The following CENPP variants were observed in gnomAD, a reference collection of about 807,000 sequenced individuals.
CENPP encodes centromere protein P.
CENPP carries 24 observed loss-of-function variants against 35.6 expected under a neutral mutation model. That is an observed-to-expected ratio of 0.67 (90% confidence interval 0.49 to 0.95). The LOEUF (loss-of-function observed/expected upper bound fraction) is 0.95, where lower values mean the gene tolerates loss of function less well. Among genes scored for constraint, CENPP ranks in the 40% least tolerant of loss-of-function variants. The probability of loss-of-function intolerance (pLI) is 0.00; values close to 1 mark genes in which losing one functional copy is unlikely to be tolerated. For synonymous variants in CENPP, 120 were observed against 125.5 expected (o/e 0.96, Z 0.29); for missense variants, 332 against 345.3 (o/e 0.96, Z 0.31).
intron 5 of CENPP, among the ~76,000 whole-genome samples, chr9:92,605,467 A>C (rs1399598929): frequency 1.3e-5 from 2 of 152,198 alleles, no homozygotes; most frequent in South Asian, 2.1e-4. Context: ...CACAGATGTT[A>C]TCTCTCTATA....
chr9:92,528,641 A>G (rs764092634), intron 5 of CENPP, among the ~76,000 whole-genome samples: 1 of 152,256 alleles, frequency 6.6e-6, no homozygotes, highest in Non-Finnish European at 1.5e-5. Context: ...AAACCTTACA[A>G]TTCACAGGGC....
chr9:92,409,593 T>A (rs13290671), intron 5 of CENPP, among the ~76,000 whole-genome samples: 1 of 152,244 alleles, frequency 6.6e-6, no homozygotes, highest in South Asian at 2.1e-4. Flanking sequence ...AACAAATTTA[T>A]GAAGTATCCT....
chr9:92,370,938 G>A (rs1363777467), intron 4 of CENPP, among the ~76,000 whole-genome samples: 2 of 151,878 alleles, frequency 1.3e-5, no homozygotes, highest in African/African-American at 4.8e-5. Context: ...TTTTATTTCT[G>A]TGGTCTCATT....
chr9:92,452,480 G>A (rs1844741587), intron 5 of CENPP, among the ~76,000 whole-genome samples: 2 of 152,186 alleles, frequency 1.3e-5, no homozygotes, highest in African/African-American at 2.4e-5. Context: ...GCTTTTTGAT[G>A]TGCTGCTGGA....
rs150920972 is a variant in CENPP, at chr9:92,455,426, G to T, written c.564+75567G>T. Among the ~76,000 whole-genome samples the T allele has an allele frequency of 2.5e-3, 376 of 152,024 alleles. 1 individual carries two copies. The highest frequency in any genetic ancestry group is 3.7e-3 in the Non-Finnish European group (252 of 67,972). On this transcript the variant is annotated intron_variant, in intron 5 of 7. Coordinates refer to ENST00000375587, the MANE Select transcript of CENPP (RefSeq NM_001012267.3). ...AAAAACAAACAAAAACCTGTGGAGG[G>T]CAGGGGACGCAGGTGTTACTGCCAT...
At chr9:92,331,341 T>C (rs1259269034) in intron 1 of CENPP, among the ~76,000 whole-genome samples, 1 of 152,062 alleles carries the variant, frequency 6.6e-6, no homozygotes, top group Non-Finnish European at 1.5e-5. Context: ...CCACCACGCC[T>C]GGCAAATTTT....
At chr9:92,506,555 C>A (rs994654521) in intron 5 of CENPP, among the ~76,000 whole-genome samples, 7 of 152,140 alleles carry the variant, frequency 4.6e-5, no homozygotes, top group Admixed American at 3.9e-4. Flanking sequence ...CTATTCAACC[C>A]CCTTCATGGG....
rs746814450 is a variant in CENPP, at chr9:92,484,918, C to T, written c.564+105059C>T. 4.6e-5 allele frequency among the ~76,000 whole-genome samples: 7 copies of T among 152,314 alleles called. No individual in the cohort carries two copies. The South Asian group carries it at 8.3e-4, about 18-fold the overall frequency. Reference sequence around the variant, plus strand: ...CTAGTCTTCCTCTGATATTTTGCTTCGATCTTTGGTCAGAGGGCCTAGGGA... The same window carrying T: ...CTAGTCTTCCTCTGATATTTTGCTTTGATCTTTGGTCAGAGGGCCTAGGGA... On this transcript the variant is annotated intron_variant, in intron 5 of 7. Coordinates refer to ENST00000375587, the MANE Select transcript of CENPP (RefSeq NM_001012267.3).
intron 5 of CENPP, among the ~76,000 whole-genome samples, chr9:92,591,104 A>T (rs1030713970): frequency 3.3e-5 from 5 of 152,188 alleles, no homozygotes; most frequent in Non-Finnish European, 1.5e-5. Context: ...CCAAAAAGTA[A>T]TAAAAAATTG....
chr9:92,403,265 T>G, intron 5 of CENPP: 1 of 1,599,688 alleles, frequency 6.3e-7, no homozygotes, highest in South Asian at 1.1e-5. Flanking sequence ...GTATTTATCC[T>G]CATAATCTTG....
intron 5 of CENPP, among the ~76,000 whole-genome samples, chr9:92,494,775 C>T (rs568544905): frequency 1.3e-5 from 2 of 152,018 alleles, no homozygotes; most frequent in African/African-American, 2.4e-5. Flanking sequence ...GGAGTGGTGA[C>T]GCATGCCTAT....
intron 5 of CENPP, chr9:92,470,871 A>G (rs1845486404): frequency 2.5e-6 from 2 of 800,788 alleles, no homozygotes; most frequent in Non-Finnish European, 4.0e-6. Context: ...TTTAAAACCC[A>G]TGATTATCAT....
intron 5 of CENPP, chr9:92,404,519 T>C: frequency 1.5e-6 from 2 of 1,297,106 alleles, no homozygotes; most frequent in Non-Finnish European, 2.0e-6. Context: ...TTGAAGTTTT[T>C]TGTGGTTTTC....
At chr9:92,524,399 C>T (rs947846862) in intron 5 of CENPP, among the ~76,000 whole-genome samples, 14 of 152,154 alleles carry the variant, frequency 9.2e-5, no homozygotes, top group African/African-American at 1.9e-4. Context: ...GACAGACTGG[C>T]GCAATCCCTG....
chr9:92,386,407 A>G (rs757955874), intron 5 of CENPP: 11 of 659,728 alleles, frequency 1.7e-5, no homozygotes, highest in Non-Finnish European at 3.0e-5. Flanking sequence ...AGACTTGCAT[A>G]TTGATATGAA....
chr9:92,595,660 G>C (rs2131379868), intron 5 of CENPP, among the ~76,000 whole-genome samples: 1 of 151,992 alleles, frequency 6.6e-6, no homozygotes. Context: ...CCGTCTCCTG[G>C]GTTCAAGCGA....
At chr9:92,427,219 A>G (rs908256860) in intron 5 of CENPP, among the ~76,000 whole-genome samples, 3 of 151,818 alleles carry the variant, frequency 2.0e-5, no homozygotes, top group Admixed American at 6.6e-5. Context: ...CTGGAGTGCA[A>G]TGGCGCCGTC....
chr9:92,567,065 G>T (rs1249584846), intron 5 of CENPP, among the ~76,000 whole-genome samples: 2 of 152,082 alleles, frequency 1.3e-5, no homozygotes, highest in East Asian at 1.9e-4. Flanking sequence ...TCTTTCAAAA[G>T]TGAGGGAGAA....
chr9:92,398,051 A>G (rs1842963345), intron 5 of CENPP, among the ~76,000 whole-genome samples: 1 of 152,086 alleles, frequency 6.6e-6, no homozygotes, highest in South Asian at 2.1e-4. Context: ...TTATTTACGT[A>G]TATTTACTTA....
Sources: gnomAD v4.1 joint callset for allele counts (sites outside exome capture counted in the v4.1 genomes callset) on GRCh38, gnomAD v4.1.1 for gene constraint, MANE v1.5 for transcripts, NCBI Gene and HGNC (gene_info 2026-07-23, HGNC 2026-07-21) for gene names.